Variants in COL5A1 observed in about 807,000 individuals in gnomAD.
COL5A1 encodes collagen type V alpha 1 chain.
COL5A1 carries 16 observed loss-of-function variants against 263.7 expected under a neutral mutation model. The ratio of observed to expected loss-of-function variants is 0.06; its 90% CI spans 0.04 to 0.09. The LOEUF is 0.09. COL5A1 is among the 10% of genes least tolerant of loss of function. The pLI is 1.00. For missense variants in COL5A1, 2,036 were observed against 2,540.5 expected, an observed-to-expected ratio of 0.80 and a Z score of 4.27; for synonymous variants, 1,012 against 1,004.5, an observed-to-expected ratio of 1.01 and a Z score of -0.14.
intron 50 of COL5A1, among the ~76,000 whole-genome samples, chr9:134,815,341 G>A (rs956896505): frequency 6.6e-6 from 1 of 152,260 alleles, no homozygotes; most frequent in Non-Finnish European, 1.5e-5. Flanking sequence ...GCTCTGGAAA[G>A]CAAGAGACCA....
intron 1 of COL5A1, among the ~76,000 whole-genome samples, chr9:134,648,777 A>G (rs965110645): frequency 1.3e-5 from 2 of 152,098 alleles, no homozygotes; most frequent in Admixed American, 1.3e-4. Context: ...CGCAGGAGAA[A>G]AGGTAAGGCA....
At chr9:134,727,169 G>A (rs1834693963) in intron 4 of COL5A1, 97 bp from the exon 5 acceptor site, 1 of 1,339,746 alleles carries the variant, frequency 7.5e-7, no homozygotes, top group Non-Finnish European at 1.1e-6. Flanking sequence ...GGCTTGGTCT[G>A]GACTTTCCCC....
At chr9:134,683,816 G>T (rs1025139803) in intron 1 of COL5A1, among the ~76,000 whole-genome samples, 1 of 152,220 alleles carries the variant, frequency 6.6e-6, no homozygotes. Context: ...GCCGGCACCC[G>T]GTGGGCTTTT....
At chr9:134,796,331 A>G (rs1200686334) in intron 34 of COL5A1, 43 bp from the exon 35 acceptor site, 6 of 1,603,730 alleles carry the variant, frequency 3.7e-6, no homozygotes, top group Non-Finnish European at 5.1e-6. Context: ...TCATCCAAAT[A>G]ATAACAATCA....
At chr9:134,811,430 C>T (rs369725191) in intron 45 of COL5A1, 38 bp downstream of exon 45, 374 of 1,613,078 alleles carry the variant, frequency 2.3e-4, no homozygotes, top group Admixed American at 3.3e-4. Flanking sequence ...AAAAGCCCCA[C>T]GCCCCCCCAG....
In COL5A1 at chr9:134,647,202, C is replaced by T. The variant is rs76023784; in HGVS notation, c.109+4906C>T. ...AGACCCCTGGGGCTCTGCTGTTGCC[C>T]GCTTAGCCGGTCTCTGCTGCCCCTT... is the stretch of plus-strand genomic sequence containing the variant. On this transcript the variant is annotated intron_variant, in intron 1 of 65. Transcript: ENST00000371817. The surrounding 1 kb of genome is among the most constrained non-coding windows in gnomAD (Gnocchi z 5.0). Among the ~76,000 whole-genome samples, 2,828 of 152,268 alleles carry T rather than the reference C, an allele frequency of 0.019. 112 individuals are homozygous for T. The highest frequency in any genetic ancestry group is 0.065 in the African/African-American group (2,695 of 41,518).
chr9:134,760,409 T>TACACACATGCACACACACCACACATGC (rs1836324679), intron 18 of COL5A1, among the ~76,000 whole-genome samples: 2 of 51,350 alleles, frequency 3.9e-5, no homozygotes, highest in Non-Finnish European at 6.6e-5. Context: ...CCCACACTCA[T>TACACACATGCACACACACCACACATGC]ACACACATGC....
intron 1 of COL5A1, among the ~76,000 whole-genome samples, chr9:134,675,863 C>T (rs1407392555): frequency 6.6e-6 from 1 of 152,178 alleles, no homozygotes; most frequent in Non-Finnish European, 1.5e-5. Context: ...AGTAGAGTCT[C>T]CCAGTTTCTT....
chr9:134,684,188 T>G (rs545340407), intron 1 of COL5A1, among the ~76,000 whole-genome samples: 2 of 152,362 alleles, frequency 1.3e-5, no homozygotes, highest in African/African-American at 4.8e-5. Flanking sequence ...GCCTCTTCCT[T>G]GCTTCTGAGC....
intron 1 of COL5A1, among the ~76,000 whole-genome samples, chr9:134,654,863 AGTGTCTAGGGCTGGGG>A (rs1831887738): frequency 4.3e-5 from 2 of 46,696 alleles, no homozygotes; most frequent in African/African-American, 8.6e-5. Context: ...TAGGGCTGGA[AGTGTCTAGGGCTGGGG>A]GTGTGTAGGG....
At chr9:134,760,729 ACACACACCACACAT>A (rs1836372578) in intron 18 of COL5A1, among the ~76,000 whole-genome samples, 3 of 139,286 alleles carry the variant, frequency 2.2e-5, no homozygotes, top group Non-Finnish European at 3.1e-5. Context: ...ACACACATGC[ACACACACCACACAT>A]GCACACACAC....
At chr9:134,670,730 A>T (rs575181665) in intron 1 of COL5A1, among the ~76,000 whole-genome samples, 1 of 152,152 alleles carries the variant, frequency 6.6e-6, no homozygotes, top group Non-Finnish European at 1.5e-5. Flanking sequence ...CAGAAAATGT[A>T]AGGGAATCTT....
chr9:134,673,535 G>C (rs76641637), intron 1 of COL5A1, among the ~76,000 whole-genome samples: 1 of 151,078 alleles, frequency 6.6e-6, no homozygotes, highest in African/African-American at 2.4e-5. Flanking sequence ...AATAAGCCAT[G>C]ACCCTTACCT....
chr9:134,702,106 G>T (rs1833694638), intron 4 of COL5A1, among the ~76,000 whole-genome samples: 1 of 152,226 alleles, frequency 6.6e-6, no homozygotes, highest in African/African-American at 2.4e-5. Context: ...AGCCTGCACA[G>T]GGTCCTGGAC....
chr9:134,685,198 AT>A (rs1832990770), intron 1 of COL5A1, among the ~76,000 whole-genome samples: 1 of 50,944 alleles, frequency 2.0e-5, no homozygotes. Context: ...CCATCTGTCC[AT>A]CCATCCATCC....
At chr9:134,817,103 C>A in intron 53 of COL5A1, 24 bp downstream of exon 53, 1 of 1,608,952 alleles carries the variant, frequency 6.2e-7, no homozygotes, top group Non-Finnish European at 8.5e-7. Flanking sequence ...CAGGCACATC[C>A]TTGCTGTCAA....
intron 6 of COL5A1, 38 bp from the exon 7 acceptor site, chr9:134,730,198 C>G (rs760613577): frequency 6.2e-7 from 1 of 1,609,760 alleles, no homozygotes; most frequent in South Asian, 1.1e-5. Flanking sequence ...CTGCCGGCCT[C>G]CGCCCTGACT....
intron 32 of COL5A1, among the ~76,000 whole-genome samples, chr9:134,790,907 G>A (rs1837669399): frequency 6.6e-6 from 1 of 152,104 alleles, no homozygotes; most frequent in Non-Finnish European, 1.5e-5. Context: ...GCCTTCTGCA[G>A]CTGGTCATGG....
intron 13 of COL5A1, 126 bp downstream of exon 13, chr9:134,751,008 C>T: frequency 1.2e-6 from 1 of 850,742 alleles, no homozygotes. Context: ...CCCAGAATGC[C>T]TGCTTGCTGG....
Sources: gnomAD v4.1 joint callset for allele counts (sites outside exome capture counted in the v4.1 genomes callset) on GRCh38, gnomAD v4.1.1 for gene constraint, Gnocchi (gnomAD v3.1) non-coding constraint, MANE v1.5 for transcripts, NCBI Gene and HGNC (gene_info 2026-07-23, HGNC 2026-07-21) for gene names.